FGF12: variants seen among roughly 807,000 people sequenced by gnomAD.
FGF12 encodes fibroblast growth factor 12.
In FGF12, 14 loss-of-function variants were observed where a neutral mutation model predicts 23.6. That is an observed-to-expected ratio of 0.59 (90% confidence interval 0.39 to 0.93). The LOEUF is 0.93. Ranked by LOEUF, FGF12 falls within the 40% of genes least tolerant of loss-of-function variation. The pLI is 0.00. For missense variants in FGF12, 175 were observed against 217.8 expected, an observed-to-expected ratio of 0.80 and a Z score of 1.24; for synonymous variants, 62 against 77.3, an observed-to-expected ratio of 0.80 and a Z score of 1.04.
chr3:192,701,760 T>A (rs114423400), intron 2 of FGF12, among the ~76,000 whole-genome samples: 83 of 152,302 alleles, frequency 5.4e-4, no homozygotes, highest in South Asian at 1.0e-3. Context: ...AGTTAGATTA[T>A]TTTTTAAATT....
At chr3:192,542,674 G>A (rs186959380) in intron 2 of FGF12, among the ~76,000 whole-genome samples, 2 of 151,922 alleles carry the variant, frequency 1.3e-5, no homozygotes, top group East Asian at 3.9e-4. Flanking sequence ...AAAGGCACTT[G>A]GGTGTTGTGC....
At position 192,699,143 on chromosome 3, in the gene FGF12, G is replaced by C. The variant is rs191550408; in HGVS notation, c.13+28038C>G. 1.6e-4 allele frequency among the ~76,000 whole-genome samples: 24 copies of C among 152,078 alleles called. No homozygotes were observed. In the East Asian group the frequency reaches 4.5e-3, roughly 28 times the overall value. ...AGTTTTGTTTTTCCTTCTTATTCCT[G>C]GTTTCTAGTCCTCACCTATCTCCAA... On this transcript the variant is annotated intron_variant, in intron 2 of 5. Coordinates refer to ENST00000445105, the MANE Select transcript of FGF12 (RefSeq NM_004113.6).
chr3:192,623,558 A>T (rs1715052224), intron 2 of FGF12, among the ~76,000 whole-genome samples: 1 of 152,130 alleles, frequency 6.6e-6, no homozygotes, highest in South Asian at 2.1e-4. Context: ...TCTGTTTTTT[A>T]TCCAGATGTA....
At chr3:192,293,823 T>C (rs918648433) in intron 4 of FGF12, among the ~76,000 whole-genome samples, 5 of 152,242 alleles carry the variant, frequency 3.3e-5, no homozygotes, top group Admixed American at 3.3e-4. Context: ...AATATAACTT[T>C]ATTTCTTACA....
chr3:192,175,325 T>C (rs1235432971), intron 4 of FGF12, among the ~76,000 whole-genome samples: 2 of 152,156 alleles, frequency 1.3e-5, no homozygotes, highest in Non-Finnish European at 2.9e-5. Context: ...TCATGTTGTA[T>C]CTCATGAGTG....
intron 2 of FGF12, among the ~76,000 whole-genome samples, chr3:192,548,832 T>C (rs933195080): frequency 2.0e-5 from 3 of 152,074 alleles, no homozygotes; most frequent in Non-Finnish European, 4.4e-5. Flanking sequence ...CCTGGCAATA[T>C]TAACCTAAAA....
intron 2 of FGF12, among the ~76,000 whole-genome samples, chr3:192,567,765 CT>C (rs1313614042): frequency 7.6e-6 from 1 of 132,230 alleles, no homozygotes; most frequent in Non-Finnish European, 1.7e-5. Context: ...TTCTTTCTTT[CT>C]TTCTTTCTTT....
intron 2 of FGF12, among the ~76,000 whole-genome samples, chr3:192,718,459 C>A (rs1301215590): frequency 6.6e-6 from 1 of 152,122 alleles, no homozygotes; most frequent in African/African-American, 2.4e-5. Flanking sequence ...TTCACAAATG[C>A]TGGTTCTTTC....
chr3:192,186,712 G>A (rs766931545), intron 4 of FGF12, among the ~76,000 whole-genome samples: 79 of 152,242 alleles, frequency 5.2e-4, no homozygotes, highest in Middle Eastern at 6.8e-3. Context: ...AAAGAACTGC[G>A]TTGGCAGTTT....
chr3:192,320,381 A>G (rs769605844), intron 4 of FGF12, among the ~76,000 whole-genome samples: 2 of 152,224 alleles, frequency 1.3e-5, no homozygotes, highest in African/African-American at 2.4e-5. Context: ...GGAGACTTCA[A>G]TGCCCCACTT....
At chr3:192,400,369 C>CTT (rs5855423) in intron 2 of FGF12, among the ~76,000 whole-genome samples, 21,970 of 130,658 alleles carry the variant, frequency 0.17, 2,747 homozygotes, top group East Asian at 0.44. Context: ...ACATTCTTTT[C>CTT]TTTTTTTTTT....
intron 4 of FGF12, among the ~76,000 whole-genome samples, chr3:192,288,343 A>G (rs1314522708): frequency 3.3e-5 from 5 of 152,120 alleles, no homozygotes; most frequent in Admixed American, 3.3e-4. Flanking sequence ...GCTGAAGCAC[A>G]ATTACATAAA....
chr3:192,613,073 T>C lies in FGF12; in HGVS notation c.13+114108A>G, dbSNP rs77724188. On this transcript the variant is annotated intron_variant, in intron 2 of 5. Transcript: ENST00000445105. ...GAAGATCTGTAGGCACTACTTCTTATTTACCATTTTTTTTCTGATCTGTTT... is the reference window on the plus strand; with the variant it reads ...GAAGATCTGTAGGCACTACTTCTTACTTACCATTTTTTTTCTGATCTGTTT... Among the ~76,000 whole-genome samples, 202 of 152,020 alleles carry C rather than the reference T, an allele frequency of 1.3e-3. 1 individual carries two copies. The highest frequency in any genetic ancestry group is 0.01 in the East Asian group (53 of 5,172).
intron 2 of FGF12, among the ~76,000 whole-genome samples, chr3:192,642,283 A>G (rs1274466751): frequency 6.6e-6 from 1 of 152,202 alleles, no homozygotes; most frequent in Non-Finnish European, 1.5e-5. Flanking sequence ...ACAGAGAGGG[A>G]AACCAGGCTC....
At chr3:192,533,405 G>T (rs1247694736) in intron 2 of FGF12, among the ~76,000 whole-genome samples, 1 of 152,076 alleles carries the variant, frequency 6.6e-6, no homozygotes, top group East Asian at 1.9e-4. Flanking sequence ...CAAAATCCAT[G>T]TATGTTGGGG....
intron 4 of FGF12, among the ~76,000 whole-genome samples, chr3:192,230,502 A>G (rs917553590): frequency 6.6e-6 from 1 of 152,176 alleles, no homozygotes; most frequent in African/African-American, 2.4e-5. Context: ...CAGTGATGAC[A>G]GTATCATAAT....
chr3:192,606,700 C>T (rs923530309), intron 2 of FGF12, among the ~76,000 whole-genome samples: 2 of 152,032 alleles, frequency 1.3e-5, no homozygotes, highest in Non-Finnish European at 2.9e-5. Context: ...AGAAACAAGG[C>T]TTAAGGGGTT....
chr3:192,548,159 G>T (rs1725542547), intron 2 of FGF12, among the ~76,000 whole-genome samples: 2 of 152,004 alleles, frequency 1.3e-5, no homozygotes. Context: ...TAAGTGTCAG[G>T]GTATGCTGAG....
At chr3:192,234,062 A>T (rs1278465756) in intron 4 of FGF12, among the ~76,000 whole-genome samples, 4 of 152,096 alleles carry the variant, frequency 2.6e-5, no homozygotes, top group Non-Finnish European at 5.9e-5. Flanking sequence ...TTAGGTTCAT[A>T]TGAATTTTAG....
Sources: gnomAD v4.1 joint callset for allele counts (sites outside exome capture counted in the v4.1 genomes callset) on GRCh38, gnomAD v4.1.1 for gene constraint, MANE v1.5 for transcripts, NCBI Gene and HGNC (gene_info 2026-07-23, HGNC 2026-07-21) for gene names.